Variants in CSMD1 observed in about 807,000 individuals in gnomAD.
The protein encoded by CSMD1 is CUB and sushi domain-containing protein 1.
Under a neutral mutation model 417.5 loss-of-function variants are expected in CSMD1, and 213 were observed. The observed-to-expected ratio is 0.51, with a 90% CI of 0.46 to 0.57. The LOEUF is 0.57. Among genes scored for constraint, CSMD1 ranks in the 20% least tolerant of loss-of-function variants. The probability of loss-of-function intolerance (pLI) is 0.00; values close to 1 mark genes in which losing one functional copy is unlikely to be tolerated. For missense variants in CSMD1, 6,923 were observed against 4,529.7 expected (o/e 1.53, Z -15.17); for synonymous variants, 2,862 against 1,736.8 (o/e 1.65, Z -16.11).
At chr8:3,676,742 A>G (rs1455477266) in intron 7 of CSMD1, among the ~76,000 whole-genome samples, 3 of 152,164 alleles carry the variant, frequency 2.0e-5, no homozygotes, top group Non-Finnish European at 4.4e-5. Context: ...CGTATATAAT[A>G]AACATAGCAA....
intron 5 of CSMD1, among the ~76,000 whole-genome samples, chr8:3,820,069 G>C (rs1585044909): frequency 6.6e-6 from 1 of 152,176 alleles, no homozygotes; most frequent in South Asian, 2.1e-4. Context: ...TTCCACTTAA[G>C]ACGCTCAGTG....
chr8:2,958,939 G>A lies in CSMD1; in HGVS notation c.9703-1132C>T, dbSNP rs116259603. Among the ~76,000 whole-genome samples the A allele has an allele frequency of 5.6e-3, 845 of 152,250 alleles. 8 individuals carry two copies. Among genetic ancestry groups the A allele is most frequent in the African/African-American group, 0.019 (786 of 41,524 alleles). On this transcript the variant is annotated intron_variant, in intron 62 of 69. Coordinates refer to ENST00000635120, the MANE Select transcript of CSMD1 (RefSeq NM_033225.6). ...AGTTGGTACACTGAATAGTGTGAAA[G>A]GATATCAGGAGAAAAAAAATGCTGC...
intron 30 of CSMD1, among the ~76,000 whole-genome samples, chr8:3,210,111 T>C (rs1360463106): frequency 6.6e-6 from 1 of 152,100 alleles, no homozygotes; most frequent in South Asian, 2.1e-4. Context: ...TATCAAAAGA[T>C]TTACAGTGGA....
intron 5 of CSMD1, among the ~76,000 whole-genome samples, chr8:3,921,288 G>C (rs767149609): frequency 1.3e-5 from 2 of 151,900 alleles, no homozygotes; most frequent in Admixed American, 6.6e-5. Flanking sequence ...CTAATTTTGA[G>C]TCTTCTCTTT....
intron 1 of CSMD1, among the ~76,000 whole-genome samples, chr8:4,910,542 T>G (rs1297258819): frequency 6.6e-6 from 1 of 152,282 alleles, no homozygotes; most frequent in African/African-American, 2.4e-5. Flanking sequence ...AAGGAATCTC[T>G]GAAGCTTTTT....
chr8:3,512,829 C>G lies in CSMD1; in HGVS notation c.1345-19103G>C, dbSNP rs973373282. Reference sequence around the variant, plus strand: ...CCATGTTGGCTAGGATGGTCTTGATCTCTTCATCCGCCCACCTCGGCCTCC... The same window carrying G: ...CCATGTTGGCTAGGATGGTCTTGATGTCTTCATCCGCCCACCTCGGCCTCC... On this transcript the variant is annotated intron_variant, in intron 10 of 69. Coordinates refer to ENST00000635120, the MANE Select transcript of CSMD1 (RefSeq NM_033225.6). Among the ~76,000 whole-genome samples the G allele has an allele frequency of 3.9e-5, 6 of 151,986 alleles. No individual in the cohort carries two copies. The East Asian group carries it at 7.7e-4, about 20-fold the overall frequency.
chr8:3,271,438 A>G (rs556710344), intron 26 of CSMD1, among the ~76,000 whole-genome samples: 1 of 151,334 alleles, frequency 6.6e-6, no homozygotes, highest in African/African-American at 2.4e-5. Flanking sequence ...CTTTGGGTAT[A>G]TACCCAGTAA....
intron 8 of CSMD1, among the ~76,000 whole-genome samples, chr8:3,600,602 C>G (rs1014963757): frequency 6.6e-6 from 1 of 151,780 alleles, no homozygotes; most frequent in African/African-American, 2.4e-5. Flanking sequence ...CGATGGCAAG[C>G]AAGTATTATT....
intron 3 of CSMD1, among the ~76,000 whole-genome samples, chr8:4,286,074 G>C (rs1359423695): frequency 2.6e-5 from 4 of 152,108 alleles, no homozygotes; most frequent in Non-Finnish European, 1.5e-5. Flanking sequence ...CCGAAATACA[G>C]CTGGAGAAAT....
chr8:3,495,981 G>A (rs996613190), intron 10 of CSMD1, among the ~76,000 whole-genome samples: 1 of 152,108 alleles, frequency 6.6e-6, no homozygotes, highest in Non-Finnish European at 1.5e-5. Context: ...GTGCCATGGT[G>A]GTTTGCTGCA....
intron 3 of CSMD1, among the ~76,000 whole-genome samples, chr8:4,301,435 T>G (rs1797976298): frequency 6.6e-6 from 1 of 152,188 alleles, no homozygotes; most frequent in Non-Finnish European, 1.5e-5. Context: ...ATGTTTTATC[T>G]CCTGTAACAA....
At chr8:4,873,101 A>G (rs1441544129) in intron 1 of CSMD1, among the ~76,000 whole-genome samples, 1 of 152,124 alleles carries the variant, frequency 6.6e-6, no homozygotes, top group African/African-American at 2.4e-5. Context: ...TAACATGGTT[A>G]CCAAAATGAA....
intron 6 of CSMD1, among the ~76,000 whole-genome samples, chr8:3,734,040 AG>A (rs1796401461): frequency 7.0e-6 from 1 of 142,990 alleles, no homozygotes; most frequent in South Asian, 2.3e-4. Flanking sequence ...AAACTCAGGA[AG>A]AAATGCAAGC....
intron 1 of CSMD1, among the ~76,000 whole-genome samples, chr8:4,659,663 T>A (rs1166281231): frequency 6.6e-6 from 1 of 152,154 alleles, no homozygotes; most frequent in Non-Finnish European, 1.5e-5. Context: ...GAGTGACTGT[T>A]TAATGAGTAT....
At chr8:4,753,114 A>G (rs1811438468) in intron 1 of CSMD1, among the ~76,000 whole-genome samples, 1 of 152,160 alleles carries the variant, frequency 6.6e-6, no homozygotes, top group Non-Finnish European at 1.5e-5. Flanking sequence ...GAAACATTTT[A>G]TGGATAAGAA....
rs80086720 is a variant in CSMD1, at chr8:3,121,369, T to C, written c.6242-2782A>G. Among the ~76,000 whole-genome samples, 1,454 of 152,190 alleles carry C rather than the reference T, an allele frequency of 9.6e-3. 32 individuals are homozygous for C. Among genetic ancestry groups the C allele is most frequent in the South Asian group, 0.03 (145 of 4,816 alleles). On this transcript the variant is annotated intron_variant, in intron 41 of 69. Transcript: ENST00000635120. ...AGTCAGAGACGCAGCAGAAAAATGA[T>C]TGAGAACAAGAAAAATCGAGATCAG...
chr8:2,954,901 C>G (rs1258069576), intron 64 of CSMD1, among the ~76,000 whole-genome samples: 1 of 152,182 alleles, frequency 6.6e-6, no homozygotes, highest in Non-Finnish European at 1.5e-5. Context: ...CTCCAGGAAA[C>G]AAAACCTAAA....
chr8:4,799,138 A>T (rs1296897182), intron 1 of CSMD1, among the ~76,000 whole-genome samples: 1 of 152,154 alleles, frequency 6.6e-6, no homozygotes, highest in African/African-American at 2.4e-5. Context: ...TGATCAACTC[A>T]ATACATGAGA....
intron 41 of CSMD1, chr8:3,128,858 G>T: frequency 4.4e-6 from 2 of 455,108 alleles, no homozygotes; most frequent in Non-Finnish European, 8.8e-6. Flanking sequence ...TTGGAATGGG[G>T]TGTCAAGACA....
Sources: gnomAD v4.1 joint callset for allele counts (sites outside exome capture counted in the v4.1 genomes callset) on GRCh38, gnomAD v4.1.1 for gene constraint, MANE v1.5 for transcripts, NCBI Gene and HGNC (gene_info 2026-07-23, HGNC 2026-07-21) for gene names.